Variants in LHX6 observed in about 807,000 individuals in gnomAD.
LHX6 encodes LIM homeobox 6, also known as LIM/homeobox protein Lhx6.
Under a neutral mutation model 47.1 loss-of-function variants are expected in LHX6, and 15 were observed. That is an observed-to-expected ratio of 0.32 (90% CI 0.21 to 0.49). The LOEUF is 0.49. Among genes scored for constraint, LHX6 ranks in the 20% least tolerant of loss-of-function variants. The pLI is 0.99. For missense variants in LHX6, 404 were observed against 539.6 expected, an observed-to-expected ratio of 0.75 and a Z score of 2.49; for synonymous variants, 242 against 233.5, an observed-to-expected ratio of 1.04 and a Z score of -0.33.
rs1831099635 is a variant in LHX6, at chr9:122,226,397, A to T, written c.440T>A (p.Phe147Tyr). The T allele has an allele frequency of 6.2e-7, 1 of 1,613,446 alleles. No individual in the cohort carries two copies. The highest frequency in any genetic ancestry group is 1.3e-5 in the African/African-American group (1 of 74,910). The change falls in exon 4 of 10, where the codon TTC becomes TAC. Residue 147 changes from phenylalanine to tyrosine, a missense_variant. By Grantham distance (22) the Phe-to-Tyr change is conservative (BLOSUM62 3). Coordinates refer to ENST00000394319, the MANE Select transcript of LHX6 (RefSeq NM_014368.5). The surrounding 1 kb of genome is among the most constrained non-coding windows in gnomAD (Gnocchi z 6.5). Reference protein sequence around the residue: ...NSCYIKNKEIFCKMDYFSRFG... With the variant: ...NSCYIKNKEIYCKMDYFSRFG... The stretch of plus-strand genomic sequence containing the variant: ...CTACCTGAAGTAGTCCATCTTGCAG[A>T]AGATCTCCTTGTTCTTGATGTAGCA...
Position 122,217,542 on chromosome 9 carries a change from A to G in LHX6, c.462-254T>C, listed in dbSNP as rs1400372533. ...TTCTACGATGGTCACTTATATTTGC[A>G]TATTAATTTGTTTGTTAAAAATACA... On this transcript the variant is annotated intron_variant, in intron 4 of 9. Coordinates refer to ENST00000394319, the MANE Select transcript of LHX6 (RefSeq NM_014368.5). This position sits in a 1 kb window ranked among gnomAD's most constrained non-coding sequence, Gnocchi z 4.9. 6.6e-6 allele frequency among the ~76,000 whole-genome samples: 1 copy of G among 152,214 alleles called. No homozygotes were observed. Among genetic ancestry groups the G allele is most frequent in the African/African-American group, 2.4e-5 (1 of 41,444 alleles).
intron 9 of LHX6, among the ~76,000 whole-genome samples, chr9:122,207,144 A>T (rs1389720300): frequency 6.6e-6 from 1 of 152,166 alleles, no homozygotes; most frequent in Non-Finnish European, 1.5e-5. Flanking sequence ...ACAGGAAGGG[A>T]CAGCTCTGAG....
chr9:122,226,511 G>A lies in LHX6; in HGVS notation c.340-14C>T, dbSNP rs751374069. The A allele has an allele frequency of 3.7e-6, 6 of 1,611,286 alleles. No individual in the cohort carries two copies. Among genetic ancestry groups the A allele is most frequent in the South Asian group, 1.1e-5 (1 of 90,864 alleles). On this transcript the variant is annotated splice_polypyrimidine_tract_variant and intron_variant, in intron 3 of 9. Transcript: ENST00000394319. This position sits in a 1 kb window ranked among gnomAD's most constrained non-coding sequence, Gnocchi z 6.5. ...GAGGTTGTTGACCTGGGGACGGGGCGGGGACGGAGGTCGGCTCAGCGCGGG... is the reference window on the plus strand; with the variant it reads ...GAGGTTGTTGACCTGGGGACGGGGCAGGGACGGAGGTCGGCTCAGCGCGGG...
chr9:122,221,109 CCTT>C (rs1830836683), intron 4 of LHX6: 4 of 985,328 alleles, frequency 4.1e-6, no homozygotes, highest in South Asian at 9.4e-5. Context: ...AGGTTCAAGA[CCTT>C]CTTGAAGGCT....
In LHX6 at chr9:122,213,478, G is replaced by A; in HGVS notation, c.1054+128C>T. On this transcript the variant is annotated intron_variant, in intron 8 of 9. Coordinates refer to ENST00000394319, the MANE Select transcript of LHX6 (RefSeq NM_014368.5). The surrounding 1 kb of genome is among the most constrained non-coding windows in gnomAD (Gnocchi z 5.5). ...AACTCCTAGATCCAAATGACTTCGG[G>A]TCCCGCTTCTTCACCCACGAGGCTC... 1.2e-6 allele frequency: 1 copy of A among 807,414 alleles called. No homozygotes were observed. Among genetic ancestry groups the A allele is most frequent in the African/African-American group, 1.8e-5 (1 of 56,928 alleles). 50.0% of individuals were successfully genotyped at this position (807,414 alleles called of 1,614,324 possible). A position where few individuals can be genotyped will look rare whatever the true frequency, so the allele number is the denominator to read the frequency against.
At chr9:122,206,939 T>C (rs978466751) in intron 9 of LHX6, among the ~76,000 whole-genome samples, 2 of 152,170 alleles carry the variant, frequency 1.3e-5, no homozygotes, top group Non-Finnish European at 2.9e-5. Context: ...TCTTGTCCCC[T>C]GTCTCTCCCC....
In LHX6 at chr9:122,214,394, T is replaced by C; in HGVS notation, c.683-11A>G. ...ACGTGAGGCCGTTCCCTGGGGGCGA[T>C]AGAAGCAGCTGACCACGCGTCCCCA... On this transcript the variant is annotated splice_polypyrimidine_tract_variant and intron_variant, in intron 5 of 9. Transcript: ENST00000394319. The surrounding 1 kb of genome is among the most constrained non-coding windows in gnomAD (Gnocchi z 4.6). The C allele has an allele frequency of 1.3e-6, 2 of 1,553,772 alleles. No homozygotes were observed. Among genetic ancestry groups the C allele is most frequent in the East Asian group, 2.5e-5 (1 of 39,846 alleles).
Position 122,226,592 on chromosome 9 carries a change from A to G in LHX6, c.340-95T>C. On this transcript the variant is annotated intron_variant, in intron 3 of 9. Transcript: ENST00000394319. The surrounding 1 kb of genome is among the most constrained non-coding windows in gnomAD (Gnocchi z 6.5). Reference sequence around the variant, plus strand: ...GTCTCATTTACAGTCAGAGGCGCTGAAGCTCAGAAGGTGCATGCGATTCCC... The same window carrying G: ...GTCTCATTTACAGTCAGAGGCGCTGGAGCTCAGAAGGTGCATGCGATTCCC... 1 of 1,522,966 alleles carries G rather than the reference A, an allele frequency of 6.6e-7. No homozygotes were observed. Among genetic ancestry groups the G allele is most frequent in the Non-Finnish European group, 8.8e-7 (1 of 1,134,752 alleles). 94.3% of individuals were successfully genotyped at this position (1,522,966 alleles called of 1,614,324 possible). A position where few individuals can be genotyped will look rare whatever the true frequency, so the allele number is the denominator to read the frequency against.
intron 4 of LHX6, among the ~76,000 whole-genome samples, chr9:122,219,045 G>C (rs1169671609): frequency 6.6e-6 from 1 of 152,186 alleles, no homozygotes; most frequent in African/African-American, 2.4e-5. Flanking sequence ...CCCAGGGCGG[G>C]CACCCCTCCA....
chr9:122,205,128 G>A (rs568481098), intron 9 of LHX6, among the ~76,000 whole-genome samples: 8 of 152,206 alleles, frequency 5.3e-5, no homozygotes, highest in Non-Finnish European at 8.8e-5. Flanking sequence ...GAGTTCCAAC[G>A]TTCTGTTTTA....
At chr9:122,228,256 G>A in intron 1 of LHX6, 1 of 1,534,528 alleles carries the variant, frequency 6.5e-7, no homozygotes, top group Middle Eastern at 1.7e-4. Context: ...GAAAAGAGAG[G>A]CGCTCAAGGG....
intron 9 of LHX6, among the ~76,000 whole-genome samples, chr9:122,206,737 G>A (rs769063372): frequency 6.6e-6 from 1 of 152,082 alleles, no homozygotes; most frequent in Non-Finnish European, 1.5e-5. Flanking sequence ...TACCTCCAGG[G>A]CCCATCCCTG....
Position 122,226,866 on chromosome 9 carries a change from C to T in LHX6, c.321G>A (p.Leu107=), listed in dbSNP as rs1301289882. The change falls in exon 3 of 10, where the codon CTG becomes CTA. Residue 107 remains leucine, a synonymous_variant. Transcript: ENST00000394319. The surrounding 1 kb of genome is among the most constrained non-coding windows in gnomAD (Gnocchi z 6.5). ...GTCTCACCTTGAGCAGATATCGGTC[C>T]AGGATCTCGAGGCCGCAGCTGGAGC... ...NICSSCGLEI[L]DRYLLKVNNL... is the part of the protein sequence containing the mutation. 1.3e-6 allele frequency: 2 copies of T among 1,567,890 alleles called. No individual in the cohort carries two copies. Among genetic ancestry groups the T allele is most frequent in the Non-Finnish European group, 1.7e-6 (2 of 1,156,704 alleles).
Position 122,226,662 on chromosome 9 carries a change from A to T in LHX6, c.340-165T>A. 7.9e-7 allele frequency: 1 copy of T among 1,265,730 alleles called. No homozygotes were observed. The highest frequency in any genetic ancestry group is 2.7e-5 in the Admixed American group (1 of 37,480). The allele number at this position is 1,265,730 out of a possible 1,614,324, so 78.4% of individuals were successfully genotyped here. On this transcript the variant is annotated intron_variant, in intron 3 of 9. Transcript: ENST00000394319. This position sits in a 1 kb window ranked among gnomAD's most constrained non-coding sequence, Gnocchi z 6.5. ...CTGAGACTCAGGGAAATGGAAATAA[A>T]CTCTTCTTATTTTTCAGACGGAACC...
chr9:122,222,658 A>G (rs1186464575), intron 4 of LHX6, among the ~76,000 whole-genome samples: 1 of 152,210 alleles, frequency 6.6e-6, no homozygotes, highest in African/African-American at 2.4e-5. Context: ...GTGAACTTGG[A>G]GTTCCTTCCT....
rs1167169685 is a variant in LHX6 at position 122,226,320 on chromosome 9, G to A, written c.461+56C>T. 1 of 1,562,358 alleles carries A rather than the reference G, an allele frequency of 6.4e-7. No homozygotes were observed. Among genetic ancestry groups the A allele is most frequent in the South Asian group, 1.2e-5 (1 of 84,454 alleles). ...ACCACACGCCGCAAAAGTGGCCTCC[G>A]AATGCGCCCGGGGCCTGCCCTCGGC... On this transcript the variant is annotated intron_variant, in intron 4 of 9. Transcript: ENST00000394319. The surrounding 1 kb of genome is among the most constrained non-coding windows in gnomAD (Gnocchi z 6.5).
chr9:122,208,525 C>T (rs940375191), intron 9 of LHX6, among the ~76,000 whole-genome samples: 1 of 152,286 alleles, frequency 6.6e-6, no homozygotes, highest in South Asian at 2.1e-4. Context: ...ATAAACAAGT[C>T]AGTGAATTAA....
At chr9:122,223,979 G>A (rs1303466676) in intron 4 of LHX6, among the ~76,000 whole-genome samples, 1 of 152,096 alleles carries the variant, frequency 6.6e-6, no homozygotes, top group African/African-American at 2.4e-5. Flanking sequence ...TTTAGTAGCT[G>A]ATGAATCCAA....
chr9:122,204,682 G>A lies in LHX6; in HGVS notation c.*78C>T, dbSNP rs373668070. On this transcript the variant is annotated 3_prime_UTR_variant, in exon 10 of 10. Transcript: ENST00000394319. ...TGCGGAGGTGGGTGGACTCCTGGCCGCAGCTTGGACACTGGATCTCAGCGG... is the reference window on the plus strand; with the variant it reads ...TGCGGAGGTGGGTGGACTCCTGGCCACAGCTTGGACACTGGATCTCAGCGG... 3.3e-5 allele frequency: 51 copies of A among 1,563,476 alleles called. No individual in the cohort carries two copies. Among genetic ancestry groups the A allele is most frequent in the Admixed American group, 9.1e-5 (5 of 54,938 alleles).
Sources: gnomAD v4.1 joint callset for allele counts (sites outside exome capture counted in the v4.1 genomes callset) on GRCh38, gnomAD v4.1.1 for gene constraint, Gnocchi (gnomAD v3.1) non-coding constraint, MANE v1.5 for transcripts, NCBI Gene and HGNC (gene_info 2026-07-23, HGNC 2026-07-21) for gene names.